The following HS3ST3A1 variants were observed in gnomAD, a reference collection of about 807,000 sequenced individuals.
The protein encoded by HS3ST3A1 is heparan sulfate glucosamine 3-O-sulfotransferase 3A1.
Under a neutral mutation model 25.7 loss-of-function variants are expected in HS3ST3A1, and 19 were observed. The ratio of observed to expected loss-of-function variants is 0.74; its 90% confidence interval spans 0.52 to 1.08. The LOEUF (loss-of-function observed/expected upper bound fraction) is 1.08, where lower values mean the gene tolerates loss of function less well. Among genes scored for constraint, HS3ST3A1 ranks in the 50% least tolerant of loss-of-function variants. The pLI, the probability that HS3ST3A1 is intolerant of heterozygous loss-of-function variation, is 0.00. For synonymous variants in HS3ST3A1, 226 were observed against 278.6 expected (o/e 0.81, Z 1.88); for missense variants, 459 against 594.3 (o/e 0.77, Z 2.37).
chr17:13,600,471 G>T, intron 1 of HS3ST3A1, 60 bp downstream of exon 1: 1 of 1,488,986 alleles, frequency 6.7e-7, no homozygotes. Flanking sequence ...GCTCCTCCAC[G>T]TCTTTCCCAG....
chr17:13,532,568 G>C (rs1906634999), intron 1 of HS3ST3A1, among the ~76,000 whole-genome samples: 1 of 152,032 alleles, frequency 6.6e-6, no homozygotes, highest in Non-Finnish European at 1.5e-5. Flanking sequence ...GGCCCGAGGG[G>C]GGCCAGAATG....
At chr17:13,538,923 A>G (rs765583) in intron 1 of HS3ST3A1, among the ~76,000 whole-genome samples, 60,830 of 151,984 alleles carry the variant, frequency 0.4, 13,626 homozygotes, top group Middle Eastern at 0.52. Context: ...CAAAACATTT[A>G]TTTGCTCATA....
At chr17:13,596,418 TACACACACACACACAC>T (rs10535139) in intron 1 of HS3ST3A1, among the ~76,000 whole-genome samples, 1 of 146,442 alleles carries the variant, frequency 6.8e-6, no homozygotes, top group South Asian at 2.3e-4. Flanking sequence ...TGCGCGTGCG[TACACACACACACACAC>T]ACACACACAC....
At chr17:13,593,233 CAAA>C (rs5819419) in intron 1 of HS3ST3A1, among the ~76,000 whole-genome samples, 7 of 103,168 alleles carry the variant, frequency 6.8e-5, no homozygotes, top group Admixed American at 2.2e-4. Context: ...TGTTTGTAGC[CAAA>C]AAAAAAAAAA....
chr17:13,582,949 C>G (rs1421078242), intron 1 of HS3ST3A1, among the ~76,000 whole-genome samples: 1 of 152,108 alleles, frequency 6.6e-6, no homozygotes, highest in South Asian at 2.1e-4. Flanking sequence ...AGTTTAAATT[C>G]CTGTGAAGAT....
chr17:13,555,095 C>T (rs866156289), intron 1 of HS3ST3A1, among the ~76,000 whole-genome samples: 10 of 152,166 alleles, frequency 6.6e-5, no homozygotes, highest in Non-Finnish European at 2.9e-5. Flanking sequence ...TCGGTGTTCT[C>T]ACCCACTACT....
intron 1 of HS3ST3A1, among the ~76,000 whole-genome samples, chr17:13,532,677 G>A (rs1326411454): frequency 6.6e-6 from 1 of 152,064 alleles, no homozygotes; most frequent in Non-Finnish European, 1.5e-5. Flanking sequence ...CTGAAGATGG[G>A]CAAAGACAAT....
chr17:13,517,683 A>G (rs1459972855), intron 1 of HS3ST3A1, among the ~76,000 whole-genome samples: 1 of 152,080 alleles, frequency 6.6e-6, no homozygotes, highest in Non-Finnish European at 1.5e-5. Context: ...AGGGAGTCTC[A>G]CTCTGTCGCC....
chr17:13,569,845 G>A (rs1169117512), intron 1 of HS3ST3A1, among the ~76,000 whole-genome samples: 3 of 152,142 alleles, frequency 2.0e-5, no homozygotes, highest in African/African-American at 7.2e-5. Context: ...CATCAGCTCT[G>A]GCTGTCACCT....
At chr17:13,512,642 T>C (rs1183017718) in intron 1 of HS3ST3A1, among the ~76,000 whole-genome samples, 11 of 152,240 alleles carry the variant, frequency 7.2e-5, no homozygotes, top group Admixed American at 7.2e-4. Flanking sequence ...ATTCATTATC[T>C]GGACCTTTTC....
Position 13,574,759 on chromosome 17 carries a change from C to CACAA in HS3ST3A1, c.599+25771_599+25772insTTGT, listed in dbSNP as rs1555542157. 3.8e-3 allele frequency among the ~76,000 whole-genome samples: 290 copies of CACAA among 75,766 alleles called. 3 individuals carry two copies. Among genetic ancestry groups the CACAA allele is most frequent in the African/African-American group, 0.018 (278 of 15,576 alleles). 49.7% of individuals were successfully genotyped at this position (75,766 alleles called of 152,430 possible). A position where few individuals can be genotyped will look rare whatever the true frequency, so the allele number is the denominator to read the frequency against. On this transcript the variant is annotated intron_variant, in intron 1 of 1. Transcript: ENST00000284110. ...AAACAAATACACACACACACACACA[C>CACAA]AAAAAACACACAAAAAAAATGAAGG...
At chr17:13,533,291 A>T (rs1478012719) in intron 1 of HS3ST3A1, among the ~76,000 whole-genome samples, 9 of 152,040 alleles carry the variant, frequency 5.9e-5, no homozygotes, top group African/African-American at 2.2e-4. Flanking sequence ...TATTTAATAC[A>T]TATCTGCTAC....
chr17:13,532,906 T>TACACAC (rs372721576), intron 1 of HS3ST3A1, among the ~76,000 whole-genome samples: 15 of 146,588 alleles, frequency 1.0e-4, no homozygotes, highest in Non-Finnish European at 1.8e-4. Flanking sequence ...TATGTTTATA[T>TACACAC]ACACACACAC....
chr17:13,555,108 C>A (rs1398739097), intron 1 of HS3ST3A1, among the ~76,000 whole-genome samples: 1 of 152,130 alleles, frequency 6.6e-6, no homozygotes, highest in Non-Finnish European at 1.5e-5. Flanking sequence ...CCACTACTCC[C>A]CAGCGGTGAC....
At chr17:13,521,531 G>A (rs1041927201) in intron 1 of HS3ST3A1, among the ~76,000 whole-genome samples, 4 of 152,122 alleles carry the variant, frequency 2.6e-5, no homozygotes, top group Admixed American at 6.5e-5. Flanking sequence ...TAATCTCCCC[G>A]AGTGATGAAT....
chr17:13,545,672 T>A (rs531205849), intron 1 of HS3ST3A1, among the ~76,000 whole-genome samples: 4 of 152,328 alleles, frequency 2.6e-5, no homozygotes, highest in African/African-American at 9.6e-5. Flanking sequence ...GTTGCTCATG[T>A]CTGCATCACT....
intron 1 of HS3ST3A1, among the ~76,000 whole-genome samples, chr17:13,558,290 AAAAC>A (rs147259919): frequency 0.024 from 3,706 of 152,268 alleles, 170 homozygotes; most frequent in African/African-American, 0.084. Context: ...CACTGTCTCT[AAAAC>A]AAACAAACAA....
intron 1 of HS3ST3A1, among the ~76,000 whole-genome samples, chr17:13,520,602 A>ATTTC (rs769388786): frequency 6.6e-4 from 100 of 151,608 alleles, no homozygotes; most frequent in African/African-American, 2.3e-3. Context: ...AAATATTTTC[A>ATTTC]TTTCTTTCTT....
chr17:13,498,198 A>G (rs532034632), intron 1 of HS3ST3A1, among the ~76,000 whole-genome samples: 2 of 152,296 alleles, frequency 1.3e-5, no homozygotes, highest in African/African-American at 4.8e-5. Context: ...TCCTGCTCCC[A>G]TCTGCATTAT....
Sources: allele counts gnomAD v4.1 joint callset (sites outside exome capture counted in the v4.1 genomes callset), GRCh38; gene constraint gnomAD v4.1.1; transcripts MANE v1.5; gene names NCBI Gene and HGNC (gene_info 2026-07-23, HGNC 2026-07-21).